The following GNG5 variants were observed in gnomAD, a reference collection of about 807,000 sequenced individuals.
The protein encoded by GNG5 is guanine nucleotide-binding protein G(I)/G(S)/G(O) subunit gamma-5.
In GNG5, 2 loss-of-function variants were observed where a neutral mutation model predicts 6.2. The ratio of observed to expected loss-of-function variants is 0.32; its 90% CI spans 0.13 to 1.01. The LOEUF (loss-of-function observed/expected upper bound fraction) is 1.01. GNG5 is among the 50% of genes least tolerant of loss of function. The pLI, the probability that GNG5 is intolerant of heterozygous loss-of-function variation, is 0.48. For synonymous variants in GNG5, 24 were observed against 33.0 expected (o/e 0.73, Z 0.93); for missense variants, 57 against 80.2 (o/e 0.71, Z 1.10).
chr1:84,502,423 C>T (rs1181978472), intron 2 of GNG5, among the ~76,000 whole-genome samples: 1 of 152,092 alleles, frequency 6.6e-6, no homozygotes, highest in Non-Finnish European at 1.5e-5. Context: ...TGAGCCACCA[C>T]GCCCAGCCTA....
At chr1:84,504,946 G>A (rs1682138443) in intron 2 of GNG5, among the ~76,000 whole-genome samples, 1 of 152,156 alleles carries the variant, frequency 6.6e-6, no homozygotes, top group Non-Finnish European at 1.5e-5. Context: ...CTAGGTCTCT[G>A]ACACTTCTAG....
Position 84,501,946 on chromosome 1 carries a change from T to G in GNG5, c.106A>C (p.Lys36Gln), listed in dbSNP as rs1393158088. 2.5e-6 allele frequency: 4 copies of G among 1,612,054 alleles called. No homozygotes were observed. Among genetic ancestry groups the G allele is most frequent in the Admixed American group, 1.7e-5 (1 of 59,990 alleles). ...VKVSQAAADL[K>Q]QFCLQNAQHD... ...TGAGCATTCTGCAGACAGAACTGTT[T>G]CAAGTCTGCAGCTGCCTGGGAAACC... The change falls in exon 3 of 4, where the codon AAA (lysine) becomes CAA (glutamine). Residue 36 changes from lysine (K) to glutamine (Q), a missense_variant. By Grantham distance (53) the Lys-to-Gln change is moderately conservative (BLOSUM62 1). Transcript: ENST00000370645.
At position 84,501,910 on chromosome 1, in the gene GNG5, G is replaced by T. The variant is rs199705300; in HGVS notation, c.142C>A (p.Leu48Met). 4.2e-5 allele frequency: 68 copies of T among 1,605,356 alleles called. No individual in the cohort carries two copies. The East Asian group carries it at 1.5e-3, about 35-fold the overall frequency. Residue 48 changes from leucine to methionine, a missense_variant, in exon 3 of 4, where the codon CTG becomes ATG. Leu to Met is a conservative substitution (Grantham distance 15). Coordinates refer to ENST00000370645, the MANE Select transcript of GNG5 (RefSeq NM_005274.3). Reference sequence around the variant, plus strand: ...GTACTTGAAGATACTCCAGTCAGCAGAGGGTCATGTTGAGCATTCTGCAGA... The same window carrying T: ...GTACTTGAAGATACTCCAGTCAGCATAGGGTCATGTTGAGCATTCTGCAGA... ...FCLQNAQHDP[L>M]LTGVSSSTNP...
At chr1:84,505,699 G>A (rs1488704561) in intron 2 of GNG5, among the ~76,000 whole-genome samples, 1 of 152,220 alleles carries the variant, frequency 6.6e-6, no homozygotes, top group Admixed American at 6.5e-5. Flanking sequence ...GGTGAGACCA[G>A]CCGAGAAGGC....
At chr1:84,505,832 T>C (rs1553215725) in intron 2 of GNG5, among the ~76,000 whole-genome samples, 179 bp downstream of exon 2, 3 of 152,174 alleles carry the variant, frequency 2.0e-5, no homozygotes, top group Non-Finnish European at 1.5e-5. Context: ...AAACACAGCG[T>C]AGACCCACGC....
rs115060446 is a variant in GNG5 at position 84,498,510 on chromosome 1, T to C, written c.*58A>G. ...TGTACAGGCTTCAAATGTAGCTCTC[T>C]TGAATATTCACTGGATCATAAGGAG... is the stretch of plus-strand genomic sequence containing the variant. On this transcript the variant is annotated 3_prime_UTR_variant, in exon 4 of 4. Coordinates refer to ENST00000370645, the MANE Select transcript of GNG5 (RefSeq NM_005274.3). The C allele has an allele frequency of 7.6e-3, 1,164 of 152,538 alleles. 10 individuals are homozygous for C. The highest frequency in any genetic ancestry group is 0.012 in the Non-Finnish European group (789 of 67,986). 9.4% of individuals were successfully genotyped at this position (152,538 alleles called of 1,614,324 possible).
intron 3 of GNG5, among the ~76,000 whole-genome samples, chr1:84,501,083 A>C (rs17110474): frequency 0.025 from 3,754 of 152,268 alleles, 170 homozygotes; most frequent in East Asian, 0.12. Flanking sequence ...TGTACACATG[A>C]CATTTGATCT....
chr1:84,506,159 C>A lies in GNG5; in HGVS notation c.-68G>T, dbSNP rs1682217530. On this transcript the variant is annotated 5_prime_UTR_variant, in exon 2 of 4. Transcript: ENST00000370645. ...TGGGCCGTGGGTCGGCGGGGCCAGA[C>A]AACTCAGCGGCGCGCGGCGGGGGCG... The A allele has an allele frequency of 2.2e-6, 3 of 1,358,036 alleles. No individual in the cohort carries two copies. Among genetic ancestry groups the A allele is most frequent in the Non-Finnish European group, 3.0e-6 (3 of 993,390 alleles). The allele number at this position is 1,358,036 out of a possible 1,614,324, so 84.1% of individuals were successfully genotyped here.
rs141018073 is a variant in GNG5 at position 84,502,522 on chromosome 1, G to A, written c.82-552C>T. 2.7e-4 allele frequency among the ~76,000 whole-genome samples: 41 copies of A among 152,278 alleles called. No homozygotes were observed. The East Asian group carries it at 6.7e-3, about 25-fold the overall frequency. The stretch of plus-strand genomic sequence containing the variant: ...TTTTGCTTGGTTACTAGAAGCATCA[G>A]ATGACTGAGTACAAACAGTAGAATT... On this transcript the variant is annotated intron_variant, in intron 2 of 3. Transcript: ENST00000370645.
Position 84,501,852 on chromosome 1 carries a change from A to C in GNG5, c.200T>G (p.Phe67Cys). 1 of 1,610,166 alleles carries C rather than the reference A, an allele frequency of 6.2e-7. No individual in the cohort carries two copies. The highest frequency in any genetic ancestry group is 8.5e-7 in the Non-Finnish European group (1 of 1,176,854). The change falls in exon 3 of 4, where the codon TTT (phenylalanine) becomes TGT (cysteine). Residue 67 changes from phenylalanine (F) to cysteine (C), a missense_variant. Phe to Cys is a radical substitution (Grantham distance 205). Transcript: ENST00000370645. ...NPFRPQKVCS[F>C]L Reference sequence around the variant, plus strand: ...TTTGAAAGATTCATTTTACTACAAAAAGGAACAGACTTTCTGGGGTCTGAA... The same window carrying C: ...TTTGAAAGATTCATTTTACTACAAACAGGAACAGACTTTCTGGGGTCTGAA...
In GNG5 at chr1:84,504,215, C is replaced by T. The variant is rs544704026; in HGVS notation, c.81+1796G>A. Among the ~76,000 whole-genome samples the T allele has an allele frequency of 6.6e-4, 101 of 152,326 alleles. 4 individuals carry two copies. The highest frequency in any genetic ancestry group is 2.2e-3 in the African/African-American group (92 of 41,570). ...TCACAAAAAAATCACCTAGCCCAGT[C>T]ATTGATAAAACAGATACACAACGTT... On this transcript the variant is annotated intron_variant, in intron 2 of 3. Coordinates refer to ENST00000370645, the MANE Select transcript of GNG5 (RefSeq NM_005274.3).
Position 84,506,072 on chromosome 1 carries a change from A to T in GNG5, c.20T>A (p.Val7Asp). ...TTGAACCACTTTCTTCATAGCGGCG[A>T]CGCTGGAGGAGCCAGACATGGTGCA... is the stretch of plus-strand genomic sequence containing the variant. MSGSSS[V>D]AAMKKVVQQL... The change falls in exon 2 of 4, where the codon GTC (valine) becomes GAC (aspartate). Residue 7 changes from valine (V) to aspartate (D), a missense_variant. Physicochemically the swap from Val to Asp is radical, Grantham distance 152. Coordinates refer to ENST00000370645, the MANE Select transcript of GNG5 (RefSeq NM_005274.3). 6.3e-7 allele frequency: 1 copy of T among 1,577,080 alleles called. No individual in the cohort carries two copies. Among genetic ancestry groups the T allele is most frequent in the East Asian group, 2.5e-5 (1 of 39,716 alleles).
chr1:84,502,541 T>C (rs763226990), intron 2 of GNG5, among the ~76,000 whole-genome samples: 2 of 152,172 alleles, frequency 1.3e-5, no homozygotes, highest in Non-Finnish European at 2.9e-5. Context: ...GTACAAACAG[T>C]AGAATTATGT....
At chr1:84,500,381 C>T (rs1449288812) in intron 3 of GNG5, among the ~76,000 whole-genome samples, 1 of 152,124 alleles carries the variant, frequency 6.6e-6, no homozygotes, top group Non-Finnish European at 1.5e-5. Context: ...TGGGTTCTTA[C>T]CCCCAGCCAT....
Position 84,501,765 on chromosome 1 carries a change from GAA to G in GNG5, c.*19+59_*19+60del, listed in dbSNP as rs1217911394. 5 of 1,012,214 alleles carry G rather than the reference GAA, an allele frequency of 4.9e-6. No homozygotes were observed. The Admixed American group carries it at 9.3e-5, about 19-fold the overall frequency. 62.7% of individuals were successfully genotyped at this position (1,012,214 alleles called of 1,614,324 possible). On this transcript the variant is annotated intron_variant, in intron 3 of 3. Coordinates refer to ENST00000370645, the MANE Select transcript of GNG5 (RefSeq NM_005274.3). ...GGGATGATCTTTTAAGTGCTGCAAA[GAA>G]AGAGAAGACTAGTTATTCCTACAGT...
chr1:84,505,816 C>T (rs1010266836), intron 2 of GNG5, among the ~76,000 whole-genome samples, 195 bp downstream of exon 2: 4 of 152,202 alleles, frequency 2.6e-5, no homozygotes, highest in Non-Finnish European at 5.9e-5. Flanking sequence ...ACTAATCGTC[C>T]CCCTAAAACA....
At chr1:84,502,274 C>T (rs1682074902) in intron 2 of GNG5, among the ~76,000 whole-genome samples, 1 of 151,570 alleles carries the variant, frequency 6.6e-6, no homozygotes. Context: ...GCTGGGACTA[C>T]AGGCGCACGT....
intron 3 of GNG5, among the ~76,000 whole-genome samples, chr1:84,500,429 G>T (rs1380941225): frequency 6.6e-6 from 1 of 152,026 alleles, no homozygotes; most frequent in African/African-American, 2.4e-5. Context: ...ACACTTATCT[G>T]TAGATTCCTA....
intron 3 of GNG5, among the ~76,000 whole-genome samples, chr1:84,500,913 A>T (rs181587906): frequency 2.0e-5 from 3 of 152,304 alleles, no homozygotes; most frequent in East Asian, 3.9e-4. Flanking sequence ...AATCTTTTTT[A>T]AAAAAGTACT....
Sources: gnomAD v4.1 joint callset for allele counts (sites outside exome capture counted in the v4.1 genomes callset) on GRCh38, gnomAD v4.1.1 for gene constraint, MANE v1.5 for transcripts, NCBI Gene and HGNC (gene_info 2026-07-23, HGNC 2026-07-21) for gene names.